Variants in STPG2 observed in about 807,000 individuals in gnomAD.
STPG2 encodes the protein sperm-tail PG-rich repeat-containing protein 2.
Under a neutral mutation model 54.2 loss-of-function variants are expected in STPG2, and 56 were observed. That is an observed-to-expected ratio of 1.03 (90% CI 0.83 to 1.29). STPG2 has a LOEUF of 1.29. Ranked by LOEUF, STPG2 falls within the 50% of genes most tolerant of loss-of-function variation. STPG2 has a pLI of 0.00. For missense variants in STPG2, 596 were observed against 544.9 expected (o/e 1.09, Z -0.93); for synonymous variants, 200 against 181.8 (o/e 1.10, Z -0.81).
intron 4 of STPG2, among the ~76,000 whole-genome samples, chr4:97,480,806 T>C (rs1730201420): frequency 6.6e-6 from 1 of 151,650 alleles, no homozygotes. Context: ...TTTAGCATAC[T>C]CTGGTTACAA....
chr4:97,624,426 T>A (rs1210414643), intron 10 of STPG2, among the ~76,000 whole-genome samples: 1 of 152,212 alleles, frequency 6.6e-6, no homozygotes, highest in East Asian at 1.9e-4. Flanking sequence ...TGTCTTCTTT[T>A]GAGAAGTATC....
intron 4 of STPG2, among the ~76,000 whole-genome samples, chr4:97,483,270 A>G (rs1178334385): frequency 2.0e-5 from 3 of 151,796 alleles, no homozygotes; most frequent in Admixed American, 2.0e-4. Flanking sequence ...TGCTCCACTT[A>G]AAAGGTACAG....
At chr4:97,812,163 G>C (rs1024212450) in intron 9 of STPG2, among the ~76,000 whole-genome samples, 4 of 151,994 alleles carry the variant, frequency 2.6e-5, no homozygotes, top group Admixed American at 6.6e-5. Context: ...CCATAACATA[G>C]TGATAATTAA....
chr4:97,868,387 T>C (rs1729867906), intron 8 of STPG2, among the ~76,000 whole-genome samples: 1 of 151,874 alleles, frequency 6.6e-6, no homozygotes, highest in Non-Finnish European at 1.5e-5. Flanking sequence ...TTCAGGAGAC[T>C]TGCGTATTTT....
intron 10 of STPG2, among the ~76,000 whole-genome samples, chr4:97,602,568 T>C (rs1185092297): frequency 2.6e-5 from 4 of 151,834 alleles, no homozygotes; most frequent in Admixed American, 6.6e-5. Context: ...TTTGGATAGA[T>C]ACTCTTAATT....
chr4:97,796,741 G>C (rs1435200603), intron 9 of STPG2, among the ~76,000 whole-genome samples: 2 of 152,172 alleles, frequency 1.3e-5, no homozygotes, highest in Non-Finnish European at 2.9e-5. Context: ...TGTGAAGAAA[G>C]TCATTGGTAG....
At chr4:97,879,569 T>C (rs1481914619) in intron 8 of STPG2, among the ~76,000 whole-genome samples, 1 of 152,138 alleles carries the variant, frequency 6.6e-6, no homozygotes, top group Non-Finnish European at 1.5e-5. Flanking sequence ...GAGAACAGTA[T>C]GGGGGAAACT....
Position 98,117,379 on chromosome 4 carries a change from A to T in STPG2, c.388-8074T>A, listed in dbSNP as rs368937330. On this transcript the variant is annotated intron_variant, in intron 3 of 10. Transcript: ENST00000295268. Reference sequence around the variant, plus strand: ...TTTGTCTTTGGCTTTCAACAGCTTGACTGTGATGTGTCTAGGTGTGCATCT... The same window carrying T: ...TTTGTCTTTGGCTTTCAACAGCTTGTCTGTGATGTGTCTAGGTGTGCATCT... 4.2e-3 allele frequency among the ~76,000 whole-genome samples: 643 copies of T among 151,828 alleles called. 3 individuals carry two copies. Among genetic ancestry groups the T allele is most frequent in the South Asian group, 0.025 (121 of 4,794 alleles).
At chr4:97,970,196 G>A (rs1371550469) in intron 7 of STPG2, among the ~76,000 whole-genome samples, 1 of 152,128 alleles carries the variant, frequency 6.6e-6, no homozygotes, top group Non-Finnish European at 1.5e-5. Flanking sequence ...ATGCTCATGG[G>A]TAGGAAGAAT....
intron 1 of STPG2, 53 bp downstream of exon 1, chr4:98,142,989 A>C: frequency 6.8e-7 from 1 of 1,471,820 alleles, no homozygotes; most frequent in Non-Finnish European, 9.4e-7. Flanking sequence ...GAAGCGGAGC[A>C]GGCTGAAGAT....
intron 6 of STPG2, among the ~76,000 whole-genome samples, chr4:97,973,062 G>T (rs1734388683): frequency 6.6e-6 from 1 of 152,152 alleles, no homozygotes; most frequent in South Asian, 2.1e-4. Flanking sequence ...TTTGGAACTG[G>T]GTAACAGGCA....
chr4:98,114,759 T>TGTGTGTG (rs201052855), intron 3 of STPG2, among the ~76,000 whole-genome samples: 5 of 67,572 alleles, frequency 7.4e-5, no homozygotes, highest in African/African-American at 2.4e-4. Flanking sequence ...ATCCATTTTT[T>TGTGTGTG]TTTTTTTGTG....
rs578137062 is a variant in STPG2 at position 97,691,679 on chromosome 4, C to T, written c.1320+21020G>A. ...TAACCCTAGGGCAAGCTTGAATCCT[C>T]CCTATACAACCAAAGCTGATATGCT... On this transcript the variant is annotated intron_variant, in intron 10 of 10. Transcript: ENST00000295268. Among the ~76,000 whole-genome samples the T allele has an allele frequency of 5.3e-5, 8 of 152,218 alleles. No individual in the cohort carries two copies. In the South Asian group the frequency reaches 1.7e-3, roughly 32 times the overall value.
chr4:97,862,184 C>A (rs920985977), intron 8 of STPG2, among the ~76,000 whole-genome samples: 1 of 151,488 alleles, frequency 6.6e-6, no homozygotes, highest in African/African-American at 2.4e-5. Flanking sequence ...ACCCATCTCA[C>A]CTTTATTTTG....
intron 5 of STPG2, among the ~76,000 whole-genome samples, chr4:97,990,491 A>G (rs1296498801): frequency 2.0e-5 from 3 of 152,156 alleles, no homozygotes; most frequent in Non-Finnish European, 4.4e-5. Flanking sequence ...ACCTGCATTA[A>G]TATCAACCTA....
At chr4:97,619,524 G>T (rs1422660930) in intron 10 of STPG2, among the ~76,000 whole-genome samples, 5 of 142,438 alleles carry the variant, frequency 3.5e-5, no homozygotes, top group South Asian at 2.2e-4. Context: ...TGATTCCAGT[G>T]TTTTTTTTTT....
intron 9 of STPG2, among the ~76,000 whole-genome samples, chr4:97,731,867 C>A (rs1321234738): frequency 6.6e-6 from 1 of 152,218 alleles, no homozygotes; most frequent in African/African-American, 2.4e-5. Flanking sequence ...ACCAGACCTG[C>A]AGCTTTGTCC....
At chr4:98,068,093 G>A (rs1737888957) in intron 5 of STPG2, among the ~76,000 whole-genome samples, 2 of 151,932 alleles carry the variant, frequency 1.3e-5, no homozygotes, top group Admixed American at 6.6e-5. Context: ...CTTTTTGTAT[G>A]AACATCAAGT....
At chr4:97,708,692 G>T (rs1267800697) in intron 10 of STPG2, among the ~76,000 whole-genome samples, 1 of 151,478 alleles carries the variant, frequency 6.6e-6, no homozygotes, top group African/African-American at 2.4e-5. Flanking sequence ...CTGAGAATAT[G>T]CAATAGAGAA....
Sources: allele counts gnomAD v4.1 joint callset (sites outside exome capture counted in the v4.1 genomes callset), GRCh38; gene constraint gnomAD v4.1.1; transcripts MANE v1.5; gene names NCBI Gene and HGNC (gene_info 2026-07-23, HGNC 2026-07-21).